GALNT13: variants seen among roughly 807,000 people sequenced by gnomAD.
GALNT13 encodes polypeptide N-acetylgalactosaminyltransferase 13, also known as UDP-GalNAc:polypeptide N-acetylgalactosaminyltransferase 13.
A neutral mutation model predicts 64.2 loss-of-function variants in GALNT13; 28 were observed. The ratio of observed to expected loss-of-function variants is 0.44; its 90% CI spans 0.32 to 0.60. The LOEUF (loss-of-function observed/expected upper bound fraction) is 0.60, where lower values mean the gene tolerates loss of function less well. Ranked by LOEUF, GALNT13 falls within the 20% of genes least tolerant of loss-of-function variation. The probability of loss-of-function intolerance (pLI) is 0.05; values close to 1 mark genes in which losing one functional copy is unlikely to be tolerated. For missense variants in GALNT13, 577 were observed against 669.8 expected, an observed-to-expected ratio of 0.86 and a Z score of 1.53; for synonymous variants, 214 against 224.6, an observed-to-expected ratio of 0.95 and a Z score of 0.42.
intron 8 of GALNT13, among the ~76,000 whole-genome samples, chr2:154,269,054 ATG>A (rs1464021402): frequency 6.6e-6 from 1 of 152,050 alleles, no homozygotes; most frequent in Non-Finnish European, 1.5e-5. Context: ...TGTGAAATCC[ATG>A]TATTTCCAAT....
chr2:154,337,862 T>C (rs1229766117), intron 9 of GALNT13, among the ~76,000 whole-genome samples: 1 of 151,902 alleles, frequency 6.6e-6, no homozygotes, highest in Non-Finnish European at 1.5e-5. Flanking sequence ...ATGTTGTCGG[T>C]GGTTGGAGAG....
chr2:153,142,059 T>TG, the GALNT13 span, among the ~76,000 whole-genome samples: 1 of 152,088 alleles, frequency 6.6e-6, no homozygotes, highest in Admixed American at 6.5e-5. Context: ...TTTGCTATGA[T>TG]GGGAAAAATG....
the GALNT13 span, among the ~76,000 whole-genome samples, chr2:153,584,810 A>G: frequency 2.6e-5 from 4 of 152,204 alleles, no homozygotes; most frequent in Admixed American, 2.6e-4. Context: ...ATGACTGAGG[A>G]AAATGCAGAT....
chr2:153,717,251 C>A, the GALNT13 span, among the ~76,000 whole-genome samples: 1 of 152,122 alleles, frequency 6.6e-6, no homozygotes. Context: ...GCAGTGTTGC[C>A]ACATAATGAA....
At chr2:153,812,586 T>G in the GALNT13 span, among the ~76,000 whole-genome samples, 1 of 152,222 alleles carries the variant, frequency 6.6e-6, no homozygotes, top group African/African-American at 2.4e-5. Flanking sequence ...CCTTATTTAC[T>G]TTGCACCCAC....
chr2:153,579,312 A>C, the GALNT13 span, among the ~76,000 whole-genome samples: 1 of 151,980 alleles, frequency 6.6e-6, no homozygotes, highest in Non-Finnish European at 1.5e-5. Flanking sequence ...CCAAATTTTC[A>C]TGAGCTAATA....
At chr2:154,157,962 C>T (rs1004864865) in intron 4 of GALNT13, among the ~76,000 whole-genome samples, 3 of 152,118 alleles carry the variant, frequency 2.0e-5, no homozygotes, top group Admixed American at 6.6e-5. Flanking sequence ...TTTGCTGATA[C>T]CTTTTCACCC....
the GALNT13 span, among the ~76,000 whole-genome samples, chr2:153,516,202 T>A: frequency 6.6e-6 from 1 of 152,212 alleles, no homozygotes; most frequent in Non-Finnish European, 1.5e-5. Flanking sequence ...TCAATATGTC[T>A]TCAAAAGTAG....
the GALNT13 span, among the ~76,000 whole-genome samples, chr2:153,618,765 T>TCAAAGACA: frequency 6.6e-6 from 1 of 152,026 alleles, no homozygotes; most frequent in Non-Finnish European, 1.5e-5. Context: ...TTTATTATTG[T>TCAAAGACA]ATAATGACCT....
In GALNT13 at chr2:154,409,056, A is replaced by T. The variant is rs747420256; in HGVS notation, c.1369A>T (p.Asn457Tyr). Residue 457 changes from asparagine to tyrosine, a missense_variant, in exon 11 of 13, where the codon AAC (asparagine) becomes TAC (tyrosine). Coordinates refer to ENST00000392825, the MANE Select transcript of GALNT13 (RefSeq NM_052917.4). ...GGAAAATGAAAAAGTGGGTATATTC[A>T]ACTGTCATGGTATGGGAGGAAATCA... is the stretch of plus-strand genomic sequence containing the variant. ...RKENEKVGIF[N>Y]CHGMGGNQVF... 5.6e-6 allele frequency: 9 copies of T among 1,609,464 alleles called. No individual in the cohort carries two copies. Among genetic ancestry groups the T allele is most frequent in the East Asian group, 2.2e-5 (1 of 44,752 alleles).
At chr2:153,792,085 AAAAT>A in the GALNT13 span, among the ~76,000 whole-genome samples, 1 of 152,176 alleles carries the variant, frequency 6.6e-6, no homozygotes, top group East Asian at 1.9e-4. Flanking sequence ...ACATGGAAAA[AAAAT>A]AAATATTGTT....
chr2:154,288,881 T>C (rs1692435296), intron 8 of GALNT13, among the ~76,000 whole-genome samples: 1 of 152,350 alleles, frequency 6.6e-6, no homozygotes, highest in African/African-American at 2.4e-5. Flanking sequence ...TTGGTGGATC[T>C]ACCATTCTAG....
the GALNT13 span, among the ~76,000 whole-genome samples, chr2:153,365,265 G>A: frequency 2.6e-5 from 4 of 152,112 alleles, no homozygotes; most frequent in Admixed American, 1.3e-4. Flanking sequence ...AGACTTAAAT[G>A]TAAAACCCAA....
chr2:154,319,984 C>A (rs1694536848), intron 9 of GALNT13, among the ~76,000 whole-genome samples: 1 of 151,964 alleles, frequency 6.6e-6, no homozygotes, highest in African/African-American at 2.4e-5. Flanking sequence ...ATATACATAT[C>A]CCTATATATT....
chr2:153,404,524 T>TTC, the GALNT13 span, among the ~76,000 whole-genome samples: 1 of 152,024 alleles, frequency 6.6e-6, no homozygotes, highest in African/African-American at 2.4e-5. Context: ...ATTTTTTTTT[T>TTC]ACTTTAGAAA....
chr2:154,064,800 C>A (rs1057083960), intron 3 of GALNT13, among the ~76,000 whole-genome samples: 1 of 152,078 alleles, frequency 6.6e-6, no homozygotes, highest in Non-Finnish European at 1.5e-5. Context: ...TCCAGCAATT[C>A]CCAGCAGTGG....
chr2:153,329,416 C>A, the GALNT13 span, among the ~76,000 whole-genome samples: 1 of 152,212 alleles, frequency 6.6e-6, no homozygotes, highest in Non-Finnish European at 1.5e-5. Context: ...ATTCCCTTTT[C>A]TCCACAGCTT....
At chr2:153,954,913 T>A (rs1262849358) in intron 3 of GALNT13, among the ~76,000 whole-genome samples, 2 of 152,092 alleles carry the variant, frequency 1.3e-5, no homozygotes, top group Non-Finnish European at 2.9e-5. Flanking sequence ...ATCATAACAT[T>A]TATATACTAT....
chr2:153,652,432 T>C, the GALNT13 span, among the ~76,000 whole-genome samples: 4 of 151,996 alleles, frequency 2.6e-5, no homozygotes, highest in African/African-American at 9.7e-5. Flanking sequence ...TTGCCCAACA[T>C]GGCAAAACCC....
Sources: gnomAD v4.1 joint callset for allele counts (sites outside exome capture counted in the v4.1 genomes callset) on GRCh38, gnomAD v4.1.1 for gene constraint, MANE v1.5 for transcripts, NCBI Gene and HGNC (gene_info 2026-07-23, HGNC 2026-07-21) for gene names.